SRBD1: variants seen among roughly 807,000 people sequenced by gnomAD.
SRBD1 encodes S1 RNA binding domain 1.
A neutral mutation model predicts 115.3 loss-of-function variants in SRBD1; 88 were observed. The ratio of observed to expected loss-of-function variants is 0.76; its 90% CI spans 0.64 to 0.91. The LOEUF (loss-of-function observed/expected upper bound fraction) is 0.91, where lower values mean the gene tolerates loss of function less well. Among genes scored for constraint, SRBD1 ranks in the 40% least tolerant of loss-of-function variants. The pLI is 0.00. For synonymous variants in SRBD1, 509 were observed against 407.7 expected, an observed-to-expected ratio of 1.25 and a Z score of -2.99; for missense variants, 1,385 against 1,177.4, an observed-to-expected ratio of 1.18 and a Z score of -2.58.
intron 14 of SRBD1, among the ~76,000 whole-genome samples, chr2:45,513,918 GGA>G (rs1259300150): frequency 1.3e-5 from 2 of 152,090 alleles, no homozygotes; most frequent in Non-Finnish European, 2.9e-5. Flanking sequence ...TTAAAACAAT[GGA>G]GAGGTGGAAA....
intron 14 of SRBD1, among the ~76,000 whole-genome samples, chr2:45,492,448 G>A (rs62127152): frequency 6.6e-6 from 1 of 151,798 alleles, no homozygotes; most frequent in Non-Finnish European, 1.5e-5. Flanking sequence ...TGTTGTTGTT[G>A]TTGTTTTTGA....
rs192832601 is a variant in SRBD1, at chr2:45,410,034, A to C, written c.2513+3080T>G. ...GTACATTTTTATATCTGCAGAATAT[A>C]TTAAAACCCCCAAAACTCAATAATA... On this transcript the variant is annotated intron_variant, in intron 19 of 20. Transcript: ENST00000263736. Among the ~76,000 whole-genome samples, 274 of 152,348 alleles carry C rather than the reference A, an allele frequency of 1.8e-3. 2 individuals carry two copies. The highest frequency in any genetic ancestry group is 6.0e-3 in the African/African-American group (249 of 41,588).
chr2:45,461,433 A>G (rs1259654560), intron 16 of SRBD1, among the ~76,000 whole-genome samples: 1 of 152,156 alleles, frequency 6.6e-6, no homozygotes, highest in African/African-American at 2.4e-5. Context: ...ACATCACCAG[A>G]TGATGCTGGA....
chr2:45,600,420 C>G (rs923819444), intron 3 of SRBD1, among the ~76,000 whole-genome samples: 1 of 152,160 alleles, frequency 6.6e-6, no homozygotes, highest in Non-Finnish European at 1.5e-5. Flanking sequence ...AAGGATAGGT[C>G]TACACATGCC....
At chr2:45,457,793 C>G (rs561761862) in intron 16 of SRBD1, among the ~76,000 whole-genome samples, 1 of 151,864 alleles carries the variant, frequency 6.6e-6, no homozygotes, top group African/African-American at 2.4e-5. Context: ...AAATTTGACA[C>G]GTGCATTTAA....
intron 14 of SRBD1, among the ~76,000 whole-genome samples, chr2:45,524,870 T>C (rs1228377022): frequency 6.6e-6 from 1 of 152,010 alleles, no homozygotes; most frequent in Non-Finnish European, 1.5e-5. Flanking sequence ...AGAAGACTCA[T>C]ATTTTCCAAT....
At chr2:45,528,601 T>A (rs756692574) in intron 14 of SRBD1, among the ~76,000 whole-genome samples, 30 of 151,858 alleles carry the variant, frequency 2.0e-4, no homozygotes, top group Non-Finnish European at 3.8e-4. Flanking sequence ...AGCCACTGAA[T>A]CTGAGTCCAT....
At chr2:45,482,552 T>G (rs1465569039) in intron 15 of SRBD1, among the ~76,000 whole-genome samples, 2 of 150,734 alleles carry the variant, frequency 1.3e-5, no homozygotes, top group African/African-American at 4.9e-5. Flanking sequence ...ATGGTGAAAT[T>G]AAAATGTAAT....
chr2:45,470,313 G>A (rs1199776303), intron 16 of SRBD1, among the ~76,000 whole-genome samples: 1 of 152,082 alleles, frequency 6.6e-6, no homozygotes, highest in Non-Finnish European at 1.5e-5. Context: ...AGGTTTTACT[G>A]TGAAAAATTT....
intron 9 of SRBD1, among the ~76,000 whole-genome samples, chr2:45,567,541 G>A (rs193001164): frequency 2.0e-5 from 3 of 151,832 alleles, no homozygotes; most frequent in East Asian, 1.9e-4. Context: ...CCCGCAAGGC[G>A]AAACTTGCAG....
At chr2:45,453,274 AAAAAAAAAG>A (rs1669051489) in intron 16 of SRBD1, among the ~76,000 whole-genome samples, 1 of 151,200 alleles carries the variant, frequency 6.6e-6, no homozygotes, top group Non-Finnish European at 1.5e-5. Flanking sequence ...TAAGGAAAAA[AAAAAAAAAG>A]AAAGAAAAGA....
At chr2:45,482,898 C>T (rs556913121) in intron 15 of SRBD1, among the ~76,000 whole-genome samples, 13 of 152,148 alleles carry the variant, frequency 8.5e-5, no homozygotes, top group East Asian at 1.9e-4. Context: ...ACATTTAATA[C>T]CTAATACAAT....
chr2:45,522,930 C>T (rs1204105772), intron 14 of SRBD1, among the ~76,000 whole-genome samples: 1 of 151,952 alleles, frequency 6.6e-6, no homozygotes, highest in Non-Finnish European at 1.5e-5. Context: ...AAAAGTTATA[C>T]ACAAATTTCT....
At chr2:45,527,987 G>A (rs534912857) in intron 14 of SRBD1, among the ~76,000 whole-genome samples, 4 of 151,852 alleles carry the variant, frequency 2.6e-5, no homozygotes, top group Non-Finnish European at 5.9e-5. Flanking sequence ...AATAGGAGCA[G>A]ATCAGGAGAG....
chr2:45,485,443 G>C (rs1219463750), intron 15 of SRBD1, among the ~76,000 whole-genome samples: 1 of 151,992 alleles, frequency 6.6e-6, no homozygotes, highest in Non-Finnish European at 1.5e-5. Flanking sequence ...ATTCTATCAT[G>C]TCATTTTAAT....
chr2:45,511,883 T>G (rs1038941274), intron 14 of SRBD1, among the ~76,000 whole-genome samples: 4 of 152,170 alleles, frequency 2.6e-5, no homozygotes, highest in African/African-American at 9.7e-5. Context: ...TCCAGTTATG[T>G]AAAGAATTAT....
At chr2:45,471,169 A>C (rs983386711) in intron 16 of SRBD1, among the ~76,000 whole-genome samples, 1 of 152,142 alleles carries the variant, frequency 6.6e-6, no homozygotes, top group African/African-American at 2.4e-5. Context: ...TTTTACAACA[A>C]ATTTTTCCTA....
At chr2:45,453,848 T>C (rs1010568994) in intron 16 of SRBD1, among the ~76,000 whole-genome samples, 5 of 151,988 alleles carry the variant, frequency 3.3e-5, no homozygotes, top group African/African-American at 1.2e-4. Context: ...CAAAACATTC[T>C]TTTTAAAGAT....
intron 14 of SRBD1, among the ~76,000 whole-genome samples, chr2:45,513,474 C>A (rs936134550): frequency 3.3e-5 from 5 of 150,944 alleles, no homozygotes; most frequent in Non-Finnish European, 5.9e-5. Flanking sequence ...CAGCCTAGCA[C>A]TGAGACAAAT....
Sources: gnomAD v4.1 joint callset for allele counts (sites outside exome capture counted in the v4.1 genomes callset) on GRCh38, gnomAD v4.1.1 for gene constraint, MANE v1.5 for transcripts, NCBI Gene and HGNC (gene_info 2026-07-23, HGNC 2026-07-21) for gene names.